PRDM15: variants seen among roughly 807,000 people sequenced by gnomAD.
PRDM15 encodes PR/SET domain 15.
A neutral mutation model predicts 128.6 loss-of-function variants in PRDM15; 64 were observed. The ratio of observed to expected loss-of-function variants is 0.50; its 90% confidence interval spans 0.41 to 0.61. The LOEUF (loss-of-function observed/expected upper bound fraction) is 0.61, where lower values mean the gene tolerates loss of function less well. Ranked by LOEUF, PRDM15 falls within the 20% of genes least tolerant of loss-of-function variation. The pLI is 0.00. For synonymous variants in PRDM15, 615 were observed against 621.8 expected, an observed-to-expected ratio of 0.99 and a Z score of 0.16; for missense variants, 1,242 against 1,569.1, an observed-to-expected ratio of 0.79 and a Z score of 3.52.
At chr21:41,829,196 CACAT>C (rs1464934005) in intron 11 of PRDM15, among the ~76,000 whole-genome samples, 23 of 146,738 alleles carry the variant, frequency 1.6e-4, no homozygotes, top group East Asian at 6.3e-4. Context: ...ACACCACACA[CACAT>C]ACACATACAT....
rs994876072 is a variant in PRDM15 at position 41,823,733 on chromosome 21, C to T, written c.1630-284G>A. On this transcript the variant is annotated intron_variant, in intron 13 of 23. Coordinates refer to ENST00000398548, the MANE Select transcript of PRDM15 (RefSeq NM_001040424.3). ...GTTAGTTCAGCTCCATTTTTTTAAG[C>T]CCATTTAAATATTTCCCTAGGATGG... Among the ~76,000 whole-genome samples, 17 of 152,274 alleles carry T rather than the reference C, an allele frequency of 1.1e-4. No individual in the cohort carries two copies. In the East Asian group the frequency reaches 1.7e-3, roughly 16 times the overall value.
At position 41,828,371 on chromosome 21, in the gene PRDM15, G is replaced by A; in HGVS notation, c.1367-38C>T. 1 of 1,608,978 alleles carries A rather than the reference G, an allele frequency of 6.2e-7. No homozygotes were observed. Among genetic ancestry groups the A allele is most frequent in the Non-Finnish European group, 8.5e-7 (1 of 1,176,120 alleles). ...CAAACAAACACACAACGATTTTGAG[G>A]TAAATAACATCTCACGCAGGCACGC... On this transcript the variant is annotated intron_variant, in intron 11 of 23. Coordinates refer to ENST00000398548, the MANE Select transcript of PRDM15 (RefSeq NM_001040424.3). This position sits in a 1 kb window ranked among gnomAD's most constrained non-coding sequence, Gnocchi z 5.7.
chr21:41,863,067 G>T (rs533075780), intron 1 of PRDM15, among the ~76,000 whole-genome samples: 1 of 152,146 alleles, frequency 6.6e-6, no homozygotes, highest in African/African-American at 2.4e-5. Context: ...TACTCGGGAG[G>T]CTGAGGCAGG....
At chr21:41,836,694 A>G in intron 8 of PRDM15, 45 bp from the exon 9 acceptor site, 1 of 1,531,362 alleles carries the variant, frequency 6.5e-7, no homozygotes, top group Non-Finnish European at 8.9e-7. Flanking sequence ...GGTGGGAAAA[A>G]AGTTCCAGGT....
chr21:41,828,433 G>A lies in PRDM15; in HGVS notation c.1367-100C>T. Reference sequence around the variant, plus strand: ...GAACGTCAATAAAGCGCGGGTGACGGGCATGAGAGTCACGGGGATGCGTGG... The same window carrying A: ...GAACGTCAATAAAGCGCGGGTGACGAGCATGAGAGTCACGGGGATGCGTGG... On this transcript the variant is annotated intron_variant, in intron 11 of 23. Transcript: ENST00000398548. The surrounding 1 kb of genome is among the most constrained non-coding windows in gnomAD (Gnocchi z 5.7). 8.1e-7 allele frequency: 1 copy of A among 1,228,564 alleles called. No homozygotes were observed. The highest frequency in any genetic ancestry group is 1.2e-6 in the Non-Finnish European group (1 of 848,068). The allele number at this position is 1,228,564 out of a possible 1,614,324, so 76.1% of individuals were successfully genotyped here.
intron 11 of PRDM15, among the ~76,000 whole-genome samples, chr21:41,829,699 A>G (rs1013437980): frequency 1.3e-5 from 2 of 151,378 alleles, no homozygotes; most frequent in African/African-American, 4.9e-5. Flanking sequence ...CACCACANAA[A>G]TGTACTCATA....
At position 41,838,913 on chromosome 21, in the gene PRDM15, T is replaced by C. The variant is rs188671738; in HGVS notation, c.871+710A>G. On this transcript the variant is annotated intron_variant, in intron 7 of 23. Coordinates refer to ENST00000398548, the MANE Select transcript of PRDM15 (RefSeq NM_001040424.3). ...TATCCCAGACAGTAAAAAGAAAAACTGCCCAGTGTCAGTAACAAATGTGAA... is the reference window on the plus strand; with the variant it reads ...TATCCCAGACAGTAAAAAGAAAAACCGCCCAGTGTCAGTAACAAATGTGAA... Among the ~76,000 whole-genome samples, 38 of 152,322 alleles carry C rather than the reference T, an allele frequency of 2.5e-4. No individual in the cohort carries two copies. In the East Asian group the frequency reaches 7.1e-3, roughly 29 times the overall value.
In PRDM15 at chr21:41,821,266, G is replaced by T. The variant is rs201207387; in HGVS notation, c.1897-36C>A. The stretch of plus-strand genomic sequence containing the variant: ...GGTGGACAGGGCACTGCTGACACCC[G>T]CATGAGGTCCCTGGTCCTCTTAGCT... On this transcript the variant is annotated intron_variant, in intron 15 of 23. Coordinates refer to ENST00000398548, the MANE Select transcript of PRDM15 (RefSeq NM_001040424.3). The surrounding 1 kb of genome is among the most constrained non-coding windows in gnomAD (Gnocchi z 5.4). The T allele has an allele frequency of 1.9e-6, 3 of 1,611,812 alleles. No homozygotes were observed. The highest frequency in any genetic ancestry group is 2.5e-6 in the Non-Finnish European group (3 of 1,179,124).
At chr21:41,875,156 GTCC>G (rs1353611525) in intron 1 of PRDM15, 2 of 152,638 alleles carry the variant, frequency 1.3e-5, no homozygotes, top group African/African-American at 4.8e-5. Flanking sequence ...GCCCTGGAGG[GTCC>G]CTCTCACTGC....
At chr21:41,809,987 C>T (rs1200637333) in intron 21 of PRDM15, among the ~76,000 whole-genome samples, 167 bp downstream of exon 21, 1 of 152,266 alleles carries the variant, frequency 6.6e-6, no homozygotes, top group African/African-American at 2.4e-5. Flanking sequence ...GCCACTCACT[C>T]AGTGCCTCCT....
chr21:41,853,041 G>A (rs927645373), intron 5 of PRDM15, among the ~76,000 whole-genome samples: 3 of 152,212 alleles, frequency 2.0e-5, no homozygotes, highest in African/African-American at 7.2e-5. Context: ...GGAGAGTCCC[G>A]GGACAGATTC....
At chr21:41,824,675 TG>T (rs1382477200) in intron 13 of PRDM15, among the ~76,000 whole-genome samples, 1 of 152,166 alleles carries the variant, frequency 6.6e-6, no homozygotes, top group Non-Finnish European at 1.5e-5. Flanking sequence ...TGTGCATAGC[TG>T]GCCCAGCTCG....
At chr21:41,869,889 G>A (rs1388243219) in intron 1 of PRDM15, among the ~76,000 whole-genome samples, 1 of 152,318 alleles carries the variant, frequency 6.6e-6, no homozygotes, top group African/African-American at 2.4e-5. Flanking sequence ...TGGCTTCTGC[G>A]CCTCTGTCAA....
intron 19 of PRDM15, chr21:41,814,609 C>T (rs1159961354): frequency 2.3e-5 from 3 of 132,512 alleles, no homozygotes; most frequent in Non-Finnish European, 3.2e-5. Flanking sequence ...TTACTGATTG[C>T]GCAGGGTGCT....
intron 1 of PRDM15, chr21:41,871,576 T>C (rs2064213595): frequency 3.7e-6 from 6 of 1,612,138 alleles, no homozygotes; most frequent in African/African-American, 1.3e-5. Flanking sequence ...TCCCTAGAGA[T>C]GTTTCCAAGA....
intron 1 of PRDM15, chr21:41,871,885 C>A (rs2064226614): frequency 2.8e-6 from 1 of 353,544 alleles, no homozygotes; most frequent in African/African-American, 2.1e-5. Context: ...ATGCCGGCCT[C>A]CACCTGCGCA....
rs537746709 is a variant in PRDM15, at chr21:41,824,986, G to A, written c.1629+974C>T. On this transcript the variant is annotated intron_variant, in intron 13 of 23. Transcript: ENST00000398548. ...TGAAACGCTGGATGAGCGTCACTCC[G>A]GGGCTCACGTGAGCTGTGTGTGGCT... 3.8e-3 allele frequency among the ~76,000 whole-genome samples: 584 copies of A among 152,320 alleles called. 2 individuals carry two copies. Among genetic ancestry groups the A allele is most frequent in the Non-Finnish European group, 6.2e-3 (419 of 68,010 alleles).
At position 41,839,536 on chromosome 21, in the gene PRDM15, C is replaced by T. The variant is rs114863625; in HGVS notation, c.871+87G>A. 3.2e-3 allele frequency: 3,483 copies of T among 1,102,376 alleles called. 78 individuals carry two copies. In the African/African-American group the frequency reaches 0.044, roughly 14 times the overall value. 68.3% of individuals were successfully genotyped at this position (1,102,376 alleles called of 1,614,324 possible). ...CTTTCTACACTGAGTTTTCCCGCCC[C>T]GCCCTCTGCCCCCTGCCCCGCCAGC... On this transcript the variant is annotated intron_variant, in intron 7 of 23. Transcript: ENST00000398548.
chr21:41,808,441 C>T (rs1286097613), intron 21 of PRDM15, among the ~76,000 whole-genome samples: 1 of 152,220 alleles, frequency 6.6e-6, no homozygotes, highest in African/African-American at 2.4e-5. Flanking sequence ...GATCGGGCTG[C>T]AGAGGAACAG....
Sources: allele counts gnomAD v4.1 joint callset (sites outside exome capture counted in the v4.1 genomes callset), GRCh38; gene constraint gnomAD v4.1.1; non-coding constraint Gnocchi (gnomAD v3.1); transcripts MANE v1.5; gene names NCBI Gene and HGNC (gene_info 2026-07-23, HGNC 2026-07-21).